RPS6KA6: variants seen among roughly 807,000 people sequenced by gnomAD.
The protein encoded by RPS6KA6 is ribosomal protein S6 kinase alpha-6.
In RPS6KA6, 27 loss-of-function variants were observed where a neutral mutation model predicts 65.4. The observed-to-expected ratio is 0.41, with a 90% CI of 0.30 to 0.57. The LOEUF (loss-of-function observed/expected upper bound fraction) is 0.57, where lower values mean the gene tolerates loss of function less well. Ranked by LOEUF, RPS6KA6 falls within the 20% of genes least tolerant of loss-of-function variation. RPS6KA6 has a pLI of 0.24. For synonymous variants in RPS6KA6, 190 were observed against 184.2 expected, an observed-to-expected ratio of 1.03 and a Z score of -0.26; for missense variants, 486 against 555.6, an observed-to-expected ratio of 0.87 and a Z score of 1.26.
chrX:84,160,141 A>C (rs773769367), intron 2 of RPS6KA6, among the ~76,000 whole-genome samples: 2 of 111,713 alleles, frequency 1.8e-5, no homozygotes, highest in Non-Finnish European at 3.8e-5. Flanking sequence ...AAGGACCCCT[A>C]GTCTTTCTAC....
intron 18 of RPS6KA6, among the ~76,000 whole-genome samples, chrX:84,098,946 C>A (rs1284015531): frequency 2.7e-5 from 3 of 111,269 alleles, no homozygotes; most frequent in Admixed American, 1.9e-4. Context: ...TAAATGTTAA[C>A]TTGGCATACT....
At chrX:84,187,153 A>G (rs1356065453) in intron 1 of RPS6KA6, among the ~76,000 whole-genome samples, 1 of 111,398 alleles carries the variant, frequency 9.0e-6, no homozygotes, top group African/African-American at 3.3e-5. Flanking sequence ...TGTGGAAAGG[A>G]GAAGGGGTGG....
At chrX:84,085,781 G>T in intron 20 of RPS6KA6, among the ~76,000 whole-genome samples, 2 of 111,864 alleles carry the variant, frequency 1.8e-5, no homozygotes, top group East Asian at 5.7e-4. Context: ...ACCTCTGGTA[G>T]AATTCAGCTG....
intron 1 of RPS6KA6, among the ~76,000 whole-genome samples, chrX:84,165,818 G>A (rs761552270): frequency 2.5e-4 from 28 of 111,002 alleles, no homozygotes; most frequent in African/African-American, 3.6e-4. Context: ...CATCCAAAAG[G>A]CAGCTCCAAT....
intron 8 of RPS6KA6, among the ~76,000 whole-genome samples, chrX:84,134,246 A>T (rs772777299): frequency 1.8e-5 from 2 of 111,791 alleles, no homozygotes; most frequent in South Asian, 7.4e-4. Context: ...TCTGAAGGAC[A>T]TTTAGGTAAT....
At chrX:84,161,588 A>G (rs2035512980) in intron 2 of RPS6KA6, among the ~76,000 whole-genome samples, 1 of 111,758 alleles carries the variant, frequency 8.9e-6, no homozygotes, top group African/African-American at 3.2e-5. Context: ...TACAGAAAGC[A>G]GGCATTCTCA....
At chrX:84,127,474 C>G (rs777169426) in intron 8 of RPS6KA6, among the ~76,000 whole-genome samples, 1 of 111,142 alleles carries the variant, frequency 9.0e-6, no homozygotes, top group South Asian at 3.8e-4. Context: ...TTCTATGAGG[C>G]AAGTATTACC....
intron 6 of RPS6KA6, among the ~76,000 whole-genome samples, chrX:84,139,340 T>A (rs1195516640): frequency 8.9e-6 from 1 of 112,489 alleles, no homozygotes; most frequent in African/African-American, 3.2e-5. Context: ...AGCCTTATTA[T>A]ACTGTTGTCC....
chrX:84,077,090 A>C (rs2147347641), intron 20 of RPS6KA6, among the ~76,000 whole-genome samples: 1 of 111,812 alleles, frequency 8.9e-6, no homozygotes, highest in African/African-American at 3.2e-5. Context: ...TGTTGAGAGA[A>C]AGTAAAGACC....
chrX:84,064,486 A>G (rs1325722612), intron 21 of RPS6KA6, 84 bp from the exon 22 acceptor site: 4 of 881,545 alleles, frequency 4.5e-6, no homozygotes, highest in South Asian at 3.0e-5. Flanking sequence ...ATCATGAGAC[A>G]TATATCTAGA....
intron 6 of RPS6KA6, among the ~76,000 whole-genome samples, chrX:84,135,998 C>G (rs141873358): frequency 9.0e-6 from 1 of 111,338 alleles, no homozygotes; most frequent in Non-Finnish European, 1.9e-5. Flanking sequence ...GCTGTATATA[C>G]CTAACAAGGT....
intron 12 of RPS6KA6, among the ~76,000 whole-genome samples, chrX:84,110,538 G>T (rs2034449668): frequency 8.9e-6 from 1 of 111,782 alleles, no homozygotes; most frequent in African/African-American, 3.3e-5. Flanking sequence ...GGCTTGTACT[G>T]GTAAATGCCA....
intron 9 of RPS6KA6, among the ~76,000 whole-genome samples, chrX:84,119,579 T>C (rs1036908688): frequency 2.7e-5 from 3 of 111,732 alleles, no homozygotes. Context: ...TAAAATACCA[T>C]GTAACTGATA....
At position 84,082,035 on chromosome X, in the gene RPS6KA6, C is replaced by G. The variant is rs780928207; in HGVS notation, c.1971+14159G>C. On this transcript the variant is annotated intron_variant, in intron 20 of 21. Transcript: ENST00000262752. Reference sequence around the variant, plus strand: ...GAAGCATTCCCTTTGAAAACCGGCACAAGACAATAATGCCCTCTCTCACCA... The same window carrying G: ...GAAGCATTCCCTTTGAAAACCGGCAGAAGACAATAATGCCCTCTCTCACCA... Among the ~76,000 whole-genome samples, 13 of 112,042 alleles carry G rather than the reference C, an allele frequency of 1.2e-4. No homozygotes were observed. The East Asian group carries it at 3.7e-3, about 31-fold the overall frequency.
intron 20 of RPS6KA6, among the ~76,000 whole-genome samples, chrX:84,094,750 C>G (rs2034120494): frequency 8.9e-6 from 1 of 111,876 alleles, no homozygotes; most frequent in Non-Finnish European, 1.9e-5. Context: ...ACGGAGATAA[C>G]TGACATGGGT....
Position 84,079,390 on chromosome X carries a change from G to A in RPS6KA6, c.1972-14279C>T, listed in dbSNP as rs192423142. The stretch of plus-strand genomic sequence containing the variant: ...GTTTCAAGCACAAAACTGGGCAGCC[G>A]TTTTTGGGCAGACACTGAGCTAGCT... On this transcript the variant is annotated intron_variant, in intron 20 of 21. Transcript: ENST00000262752. Among the ~76,000 whole-genome samples the A allele has an allele frequency of 1.7e-3, 192 of 110,093 alleles. 2 individuals are homozygous for A. Among genetic ancestry groups the A allele is most frequent in the African/African-American group, 6.1e-3 (184 of 30,252 alleles).
chrX:84,136,123 G>C (rs1164494948), intron 6 of RPS6KA6, among the ~76,000 whole-genome samples: 3 of 111,768 alleles, frequency 2.7e-5, no homozygotes. Context: ...TCATTCACTA[G>C]TGAGTATTCA....
At chrX:84,141,505 T>C (rs1212874162) in intron 6 of RPS6KA6, among the ~76,000 whole-genome samples, 2 of 108,966 alleles carry the variant, frequency 1.8e-5, no homozygotes, top group African/African-American at 3.3e-5. Context: ...AGCAAGATAG[T>C]AGATTTAAAT....
At chrX:84,127,188 G>C (rs2034808596) in intron 8 of RPS6KA6, among the ~76,000 whole-genome samples, 1 of 111,287 alleles carries the variant, frequency 9.0e-6, no homozygotes, top group African/African-American at 3.3e-5. Flanking sequence ...AGGGTCATTA[G>C]TGGCTACTAT....
Sources: allele counts gnomAD v4.1 joint callset (sites outside exome capture counted in the v4.1 genomes callset), GRCh38; gene constraint gnomAD v4.1.1; transcripts MANE v1.5; gene names NCBI Gene and HGNC (gene_info 2026-07-23, HGNC 2026-07-21).